Variants in ARID5B observed in about 807,000 individuals in gnomAD.
ARID5B encodes AT-rich interactive domain-containing protein 5B.
A neutral mutation model predicts 97.2 loss-of-function variants in ARID5B; 13 were observed. That is an observed-to-expected ratio of 0.13 (90% confidence interval 0.09 to 0.21). ARID5B has a LOEUF of 0.21. Among genes scored for constraint, ARID5B ranks in the 10% least tolerant of loss-of-function variants. ARID5B has a pLI of 1.00. For missense variants in ARID5B, 1,210 were observed against 1,465.3 expected, an observed-to-expected ratio of 0.83 and a Z score of 2.84; for synonymous variants, 556 against 570.3, an observed-to-expected ratio of 0.97 and a Z score of 0.36.
intron 2 of ARID5B, among the ~76,000 whole-genome samples, chr10:61,935,082 C>T (rs984445161): frequency 6.0e-5 from 9 of 150,888 alleles, no homozygotes; most frequent in Non-Finnish European, 1.0e-4. Flanking sequence ...TGAAATATCA[C>T]AAGAATTACC....
At chr10:62,072,393 C>T (rs759707710) in intron 8 of ARID5B, among the ~76,000 whole-genome samples, 36 of 152,212 alleles carry the variant, frequency 2.4e-4, no homozygotes, top group Non-Finnish European at 4.9e-4. Context: ...CCAGGACACA[C>T]TGTTTGCAGA....
chr10:61,916,290 A>G (rs1366529836), intron 2 of ARID5B, among the ~76,000 whole-genome samples: 4 of 152,114 alleles, frequency 2.6e-5, no homozygotes, highest in Non-Finnish European at 5.9e-5. Flanking sequence ...GTTTCTGTAA[A>G]TAAAGTTTTA....
intron 3 of ARID5B, among the ~76,000 whole-genome samples, chr10:61,957,315 CTGGAG>C (rs1346111283): frequency 3.3e-5 from 5 of 152,194 alleles, no homozygotes; most frequent in African/African-American, 1.2e-4. Flanking sequence ...GTCGCCCAGG[CTGGAG>C]TGCAGTGGTG....
intron 3 of ARID5B, among the ~76,000 whole-genome samples, chr10:61,979,182 C>A (rs1320568052): frequency 6.6e-6 from 1 of 152,188 alleles, no homozygotes; most frequent in Admixed American, 6.5e-5. Context: ...GACAGTGATG[C>A]ATTTTTGCAA....
Position 62,066,685 on chromosome 10 carries a change from G to A in ARID5B, c.1102-3015G>A, listed in dbSNP as rs117660427. 6.8e-3 allele frequency among the ~76,000 whole-genome samples: 1,040 copies of A among 152,198 alleles called. 10 individuals carry two copies. Among genetic ancestry groups the A allele is most frequent in the Non-Finnish European group, 0.012 (802 of 68,028 alleles). ...ATGAGATAGATTATTTTTCCCTCCTGTGATAATGCATTATTTATTCCTAAA... is the reference window on the plus strand; with the variant it reads ...ATGAGATAGATTATTTTTCCCTCCTATGATAATGCATTATTTATTCCTAAA... On this transcript the variant is annotated intron_variant, in intron 7 of 9. Coordinates refer to ENST00000279873, the MANE Select transcript of ARID5B (RefSeq NM_032199.3).
At chr10:61,937,768 C>T (rs1844330760) in intron 2 of ARID5B, among the ~76,000 whole-genome samples, 1 of 152,170 alleles carries the variant, frequency 6.6e-6, no homozygotes, top group Non-Finnish European at 1.5e-5. Flanking sequence ...TCAGCACTTG[C>T]TCAGAATAGT....
At chr10:62,030,698 C>G (rs191885877) in intron 4 of ARID5B, among the ~76,000 whole-genome samples, 41 of 152,324 alleles carry the variant, frequency 2.7e-4, no homozygotes, top group African/African-American at 9.4e-4. Flanking sequence ...TTAAGTGTGG[C>G]AATGTCCTCA....
chr10:61,959,951 G>A (rs1838446384), intron 3 of ARID5B, among the ~76,000 whole-genome samples: 1 of 152,098 alleles, frequency 6.6e-6, no homozygotes, highest in African/African-American at 2.4e-5. Context: ...CTCATGAACA[G>A]CCCCCTCCTG....
rs75905932 is a variant in ARID5B, at chr10:61,927,083, A to G, written c.277-13100A>G. On this transcript the variant is annotated intron_variant, in intron 2 of 9. Coordinates refer to ENST00000279873, the MANE Select transcript of ARID5B (RefSeq NM_032199.3). The stretch of plus-strand genomic sequence containing the variant: ...GAGTTACAGGACCATTATTGTTCCT[A>G]GACAAAGAATTAAGAAGAGTTAGGA... Among the ~76,000 whole-genome samples the G allele has an allele frequency of 2.4e-3, 372 of 152,296 alleles. 1 individual carries two copies. The highest frequency in any genetic ancestry group is 8.9e-3 in the East Asian group (46 of 5,174).
At chr10:61,967,527 C>A (rs1270794639) in intron 3 of ARID5B, among the ~76,000 whole-genome samples, 4 of 152,192 alleles carry the variant, frequency 2.6e-5, no homozygotes, top group African/African-American at 9.6e-5. Context: ...GGTTTGTTCA[C>A]ACAGTGTCAT....
At chr10:61,988,488 A>G (rs1302052921) in intron 3 of ARID5B, among the ~76,000 whole-genome samples, 1 of 152,250 alleles carries the variant, frequency 6.6e-6, no homozygotes, top group Non-Finnish European at 1.5e-5. Flanking sequence ...ACCAGAAACC[A>G]AAGGTGGCAA....
chr10:62,018,010 G>C (rs1042618278), intron 4 of ARID5B, among the ~76,000 whole-genome samples: 1 of 152,142 alleles, frequency 6.6e-6, no homozygotes, highest in Non-Finnish European at 1.5e-5. Flanking sequence ...TTAAAGAAGT[G>C]GCCAGATATT....
chr10:61,996,054 G>T (rs1838991082), intron 3 of ARID5B, among the ~76,000 whole-genome samples: 1 of 152,212 alleles, frequency 6.6e-6, no homozygotes, highest in Admixed American at 6.5e-5. Flanking sequence ...TGTGTGGAAG[G>T]AGGTTGATGA....
intron 6 of ARID5B, among the ~76,000 whole-genome samples, chr10:62,058,006 C>T (rs1217371495): frequency 6.6e-6 from 1 of 152,262 alleles, no homozygotes; most frequent in Middle Eastern, 3.4e-3. Context: ...GTGCACAAAG[C>T]GATGAGCCTC....
intron 2 of ARID5B, among the ~76,000 whole-genome samples, chr10:61,910,555 G>C (rs1843784206): frequency 6.6e-6 from 1 of 152,126 alleles, no homozygotes; most frequent in African/African-American, 2.4e-5. Context: ...GCATTTTTCT[G>C]GCCACGCTGT....
Position 62,095,252 on chromosome 10 carries a change from A to T in ARID5B, c.*2222A>T. On this transcript the variant is annotated 3_prime_UTR_variant, in exon 10 of 10. Transcript: ENST00000279873. ...CAAGATGCTAGCCAGGACACATATA[A>T]GAAAGTTGCACTAGATTGAATGGTC... 4.3e-6 allele frequency: 1 copy of T among 233,598 alleles called. No homozygotes were observed. The highest frequency in any genetic ancestry group is 6.0e-5 in the East Asian group (1 of 16,572). 14.5% of individuals were successfully genotyped at this position (233,598 alleles called of 1,614,324 possible).
chr10:62,019,646 CTG>C (rs1218037068), intron 4 of ARID5B, among the ~76,000 whole-genome samples: 1 of 152,170 alleles, frequency 6.6e-6, no homozygotes, highest in African/African-American at 2.4e-5. Context: ...GCACTTGAGG[CTG>C]TCTTTCAATA....
chr10:61,959,876 A>G (rs1838445598), intron 3 of ARID5B, among the ~76,000 whole-genome samples: 1 of 152,212 alleles, frequency 6.6e-6, no homozygotes, highest in Admixed American at 6.5e-5. Context: ...GAATCCAAAG[A>G]ACCCTATGGA....
intron 4 of ARID5B, among the ~76,000 whole-genome samples, chr10:62,002,563 C>A (rs924496335): frequency 6.6e-6 from 1 of 152,136 alleles, no homozygotes; most frequent in Non-Finnish European, 1.5e-5. Context: ...TCACTAACAT[C>A]CCTCCCCACC....
Sources: gnomAD v4.1 joint callset for allele counts (sites outside exome capture counted in the v4.1 genomes callset) on GRCh38, gnomAD v4.1.1 for gene constraint, MANE v1.5 for transcripts, NCBI Gene and HGNC (gene_info 2026-07-23, HGNC 2026-07-21) for gene names.